Variants in MYO1E observed in about 807,000 individuals in gnomAD.
MYO1E encodes the protein unconventional myosin-Ie.
Under a neutral mutation model 151.1 loss-of-function variants are expected in MYO1E, and 68 were observed. The observed-to-expected ratio is 0.45, with a 90% CI of 0.37 to 0.55. The LOEUF is 0.55. Ranked by LOEUF, MYO1E falls within the 20% of genes least tolerant of loss-of-function variation. The probability of loss-of-function intolerance (pLI) is 0.00; values close to 1 mark genes in which losing one functional copy is unlikely to be tolerated. For missense variants in MYO1E, 1,363 were observed against 1,389.3 expected (o/e 0.98, Z 0.30); for synonymous variants, 601 against 501.7 (o/e 1.20, Z -2.64).
At chr15:59,349,160 G>A (rs2080810214) in intron 1 of MYO1E, among the ~76,000 whole-genome samples, 1 of 152,020 alleles carries the variant, frequency 6.6e-6, no homozygotes, top group Non-Finnish European at 1.5e-5. Context: ...GGGAAAAAAG[G>A]GGATCATTTG....
intron 26 of MYO1E, among the ~76,000 whole-genome samples, chr15:59,149,038 GTTTTT>G (rs796601875): frequency 4.5e-5 from 4 of 89,588 alleles, no homozygotes; most frequent in Admixed American, 1.4e-4. Context: ...TGGATGAACT[GTTTTT>G]TTTTTTTTGT....
At position 59,224,731 on chromosome 15, in the gene MYO1E, C is replaced by A; in HGVS notation, c.735G>T (p.Lys245Asn). Residue 245 changes from lysine to asparagine, a missense_variant, in exon 8 of 28, where the codon AAG becomes AAT. Coordinates refer to ENST00000288235, the MANE Select transcript of MYO1E (RefSeq NM_004998.4). Reference protein sequence around the residue: ...YYYLSLSGSYKVDDIDDRREF... With the variant: ...YYYLSLSGSYNVDDIDDRREF... ...CCCGCCTGTCGTCAATGTCATCAAC[C>A]TTGTATGAGCCCGAGAGGCTCAGGT... 6.2e-7 allele frequency: 1 copy of A among 1,614,230 alleles called. No individual in the cohort carries two copies. The highest frequency in any genetic ancestry group is 8.5e-7 in the Non-Finnish European group (1 of 1,180,044).
At chr15:59,217,544 G>A (rs534919118) in intron 10 of MYO1E, among the ~76,000 whole-genome samples, 1 of 1,898 alleles carries the variant, frequency 5.3e-4, no homozygotes, top group Non-Finnish European at 3.1e-3. Context: ...TTTTTTTTGG[G>A]AGATAGGATC....
At chr15:59,231,145 T>C (rs1003346693) in intron 6 of MYO1E, among the ~76,000 whole-genome samples, 2 of 152,172 alleles carry the variant, frequency 1.3e-5, no homozygotes, top group African/African-American at 4.8e-5. Context: ...TCCAGTCACT[T>C]TGGGATGTCG....
At chr15:59,164,534 T>C (rs1436691750) in intron 22 of MYO1E, among the ~76,000 whole-genome samples, 1 of 152,200 alleles carries the variant, frequency 6.6e-6, no homozygotes, top group Non-Finnish European at 1.5e-5. Context: ...TTACTGTGGC[T>C]GTGACAAAGC....
chr15:59,142,625 C>T (rs144509231), intron 26 of MYO1E, among the ~76,000 whole-genome samples: 67 of 152,302 alleles, frequency 4.4e-4, no homozygotes, highest in Middle Eastern at 6.8e-3. Context: ...CAGCTTCTCT[C>T]TGCTCTTGGA....
chr15:59,354,965 T>C (rs2080845538), intron 1 of MYO1E, among the ~76,000 whole-genome samples: 1 of 152,108 alleles, frequency 6.6e-6, no homozygotes, highest in Non-Finnish European at 1.5e-5. Flanking sequence ...GGGGGCTACT[T>C]TTATCTTTGA....
chr15:59,218,782 G>C (rs1158334349), intron 9 of MYO1E, among the ~76,000 whole-genome samples: 17 of 152,184 alleles, frequency 1.1e-4, no homozygotes, highest in African/African-American at 3.1e-4. Context: ...CAAGAGATTT[G>C]AGCTGGGTGT....
chr15:59,175,958 G>T (rs1266816510), intron 19 of MYO1E, among the ~76,000 whole-genome samples: 1 of 152,012 alleles, frequency 6.6e-6, no homozygotes. Flanking sequence ...AACAACAACA[G>T]GAAAACACAC....
At chr15:59,240,154 T>C (rs1233595554) in intron 4 of MYO1E, among the ~76,000 whole-genome samples, 1 of 152,226 alleles carries the variant, frequency 6.6e-6, no homozygotes, top group African/African-American at 2.4e-5. Context: ...AATCTGGCAG[T>C]CTATCAGAAT....
At chr15:59,367,218 T>C (rs762484668) in intron 1 of MYO1E, among the ~76,000 whole-genome samples, 3 of 152,196 alleles carry the variant, frequency 2.0e-5, no homozygotes, top group African/African-American at 4.8e-5. Context: ...AGGTACTATA[T>C]GTTCTTTCAC....
At chr15:59,225,453 A>G (rs1360836403) in intron 7 of MYO1E, among the ~76,000 whole-genome samples, 11 of 152,062 alleles carry the variant, frequency 7.2e-5, no homozygotes, top group Admixed American at 2.0e-4. Context: ...TGTCGCCCTG[A>G]GGCTTCCCTG....
Position 59,137,025 on chromosome 15 carries a change from C to T in MYO1E, c.*355G>A. 2.6e-6 allele frequency: 1 copy of T among 381,684 alleles called. No homozygotes were observed. The highest frequency in any genetic ancestry group is 6.2e-5 in the East Asian group (1 of 16,186). 23.6% of individuals were successfully genotyped at this position (381,684 alleles called of 1,614,324 possible). A position where few individuals can be genotyped will look rare whatever the true frequency, so the allele number is the denominator to read the frequency against. On this transcript the variant is annotated 3_prime_UTR_variant, in exon 28 of 28. Transcript: ENST00000288235. Reference sequence around the variant, plus strand: ...GCACTTGTCAGCGGCCACCTACAGCCATTCTCTAGGCCTGGTGAGCAAGCA... The same window carrying T: ...GCACTTGTCAGCGGCCACCTACAGCTATTCTCTAGGCCTGGTGAGCAAGCA...
At position 59,357,646 on chromosome 15, in the gene MYO1E, C is replaced by T. The variant is rs562590646; in HGVS notation, c.3+14852G>A. 3.3e-5 allele frequency among the ~76,000 whole-genome samples: 5 copies of T among 152,012 alleles called. No individual in the cohort carries two copies. In the South Asian group the frequency reaches 1.0e-3, roughly 32 times the overall value. On this transcript the variant is annotated intron_variant, in intron 1 of 27. Coordinates refer to ENST00000288235, the MANE Select transcript of MYO1E (RefSeq NM_004998.4). ...TGTATTTTTAGTAGAGACAGGGTTT[C>T]ACCATGTTGGCCAGGATGGTCTGAA...
At chr15:59,231,960 C>T (rs961028587) in intron 5 of MYO1E, among the ~76,000 whole-genome samples, 169 bp from the exon 6 acceptor site, 3 of 152,160 alleles carry the variant, frequency 2.0e-5, no homozygotes, top group African/African-American at 7.2e-5. Flanking sequence ...CATGACAGAC[C>T]TCAACCTGTT....
intron 22 of MYO1E, among the ~76,000 whole-genome samples, chr15:59,165,202 A>G (rs2079557172): frequency 6.6e-6 from 1 of 152,194 alleles, no homozygotes; most frequent in Non-Finnish European, 1.5e-5. Flanking sequence ...GGTCGAAGGA[A>G]CCACAGCACA....
chr15:59,172,411 T>C (rs8040100), intron 21 of MYO1E, among the ~76,000 whole-genome samples: 17,095 of 152,248 alleles, frequency 0.11, 998 homozygotes, highest in Middle Eastern at 0.16. Flanking sequence ...CACAGTGGAC[T>C]GCTGTTACCA....
chr15:59,177,565 G>A lies in MYO1E; in HGVS notation c.2049+828C>T, dbSNP rs146745807. The stretch of plus-strand genomic sequence containing the variant: ...GATGGTTAAGGGAGCCTTGAGAAAC[G>A]ATGATGCTGAGCCTCGGTTCCAGCA... On this transcript the variant is annotated intron_variant, in intron 19 of 27. Transcript: ENST00000288235. 1.3e-4 allele frequency among the ~76,000 whole-genome samples: 20 copies of A among 151,980 alleles called. No individual in the cohort carries two copies. The East Asian group carries it at 3.7e-3, about 28-fold the overall frequency.
chr15:59,368,874 C>T (rs2080929423), intron 1 of MYO1E, among the ~76,000 whole-genome samples: 1 of 152,230 alleles, frequency 6.6e-6, no homozygotes, highest in South Asian at 2.1e-4. Context: ...CTGCTCCACC[C>T]ATTTTCTCTC....
Sources: gnomAD v4.1 joint callset for allele counts (sites outside exome capture counted in the v4.1 genomes callset) on GRCh38, gnomAD v4.1.1 for gene constraint, MANE v1.5 for transcripts, NCBI Gene and HGNC (gene_info 2026-07-23, HGNC 2026-07-21) for gene names.